The following ADGRL2 variants were observed in gnomAD, a reference collection of about 807,000 sequenced individuals.
ADGRL2 encodes adhesion G protein-coupled receptor L2.
ADGRL2 carries 44 observed loss-of-function variants against 157.4 expected under a neutral mutation model. That is an observed-to-expected ratio of 0.28 (90% confidence interval 0.22 to 0.36). The LOEUF is 0.36. ADGRL2 is among the 10% of genes least tolerant of loss of function. ADGRL2 has a pLI of 1.00. For synonymous variants in ADGRL2, 585 were observed against 624.7 expected (o/e 0.94, Z 0.95); for missense variants, 1,510 against 1,768.9 (o/e 0.85, Z 2.63).
intron 2 of ADGRL2, among the ~76,000 whole-genome samples, chr1:81,561,400 A>G (rs1317739606): frequency 7.1e-6 from 1 of 141,574 alleles, no homozygotes; most frequent in African/African-American, 2.6e-5. Context: ...TCTCGCTATA[A>G]TTTTTTTCTT....
intron 1 of ADGRL2, among the ~76,000 whole-genome samples, chr1:81,824,025 A>G (rs939780452): frequency 2.6e-5 from 4 of 152,222 alleles, no homozygotes; most frequent in Non-Finnish European, 5.9e-5. Flanking sequence ...ACTAGTCATC[A>G]GAATCACAAA....
At chr1:81,845,071 G>A (rs192938334) in intron 2 of ADGRL2, among the ~76,000 whole-genome samples, 114 of 152,016 alleles carry the variant, frequency 7.5e-4, no homozygotes, top group Non-Finnish European at 2.4e-4. Context: ...TATGGATAAA[G>A]CCAAATTATG....
Position 81,979,898 on chromosome 1 carries a change from G to A in ADGRL2, c.3051G>A (p.Leu1017=). The A allele has an allele frequency of 6.2e-7, 1 of 1,606,646 alleles. No homozygotes were observed. Among genetic ancestry groups the A allele is most frequent in the Non-Finnish European group, 8.5e-7 (1 of 1,174,450 alleles). The part of the protein sequence containing the change: ...LLNIIFLVIT[L]CKMVKHSNTL... ...ATATTATCTTCTTGGTGATCACATT[G>A]TGCAAAATGGTGAAGCATTCAAACA... The change falls in exon 18 of 24, where the codon TTG becomes TTA. Residue 1017 remains leucine, a synonymous_variant. Transcript: ENST00000686636.
At chr1:81,912,719 A>G (rs2094761189) in intron 3 of ADGRL2, among the ~76,000 whole-genome samples, 1 of 152,246 alleles carries the variant, frequency 6.6e-6, no homozygotes, top group South Asian at 2.1e-4. Context: ...AGAAGCCAGT[A>G]GCAAAGTACA....
Position 81,401,014 on chromosome 1 carries a change from G to A in ADGRL2, c.-301-44022G>A, listed in dbSNP as rs189285830. Among the ~76,000 whole-genome samples, 95 of 152,284 alleles carry A rather than the reference G, an allele frequency of 6.2e-4. 1 individual carries two copies. The highest frequency in any genetic ancestry group is 9.6e-4 in the Non-Finnish European group (65 of 68,030). On this transcript the variant is annotated intron_variant, in intron 1 of 24. Transcript: ENST00000370721. ...CCTTCTTCAACTCAGGCCCAGGAGCGTCGCTGTTCTGAACAGCTCAGGTAC... is the reference window on the plus strand; with the variant it reads ...CCTTCTTCAACTCAGGCCCAGGAGCATCGCTGTTCTGAACAGCTCAGGTAC...
intron 3 of ADGRL2, among the ~76,000 whole-genome samples, chr1:81,682,101 A>ATGTGTGTG (rs1440744581): frequency 2.0e-4 from 18 of 88,328 alleles, no homozygotes; most frequent in African/African-American, 5.7e-4. Flanking sequence ...ATATACATAT[A>ATGTGTGTG]TATGTGTGTG....
intron 1 of ADGRL2, among the ~76,000 whole-genome samples, chr1:81,318,025 G>C (rs1005381318): frequency 4.6e-5 from 7 of 151,934 alleles, no homozygotes; most frequent in Admixed American, 2.0e-4. Flanking sequence ...AATTTTTCAA[G>C]CTCTGACTTT....
chr1:81,314,166 TCTGACAGTG>T, intron 1 of ADGRL2, among the ~76,000 whole-genome samples: 1 of 152,342 alleles, frequency 6.6e-6, no homozygotes, highest in Middle Eastern at 3.4e-3. Context: ...TTGGTGCGGT[TCTGACAGTG>T]AAATGCACTC....
chr1:81,785,991 G>A (rs2087026930), intron 2 of ADGRL2, among the ~76,000 whole-genome samples: 1 of 151,918 alleles, frequency 6.6e-6, no homozygotes, highest in African/African-American at 2.4e-5. Context: ...TGTAGTCCCA[G>A]CTACTTGGAG....
At chr1:81,935,928 A>G (rs2095304475) in intron 3 of ADGRL2, among the ~76,000 whole-genome samples, 2 of 152,042 alleles carry the variant, frequency 1.3e-5, no homozygotes, top group East Asian at 1.9e-4. Flanking sequence ...TATAACAATA[A>G]TTAGAACATT....
chr1:81,712,446 A>G (rs1250948065), intron 1 of ADGRL2, among the ~76,000 whole-genome samples: 2 of 152,224 alleles, frequency 1.3e-5, no homozygotes, highest in African/African-American at 4.8e-5. Flanking sequence ...AATTCCTAAC[A>G]TATGACTTGG....
chr1:81,503,384 G>C (rs2078898064), intron 2 of ADGRL2: 3 of 1,613,892 alleles, frequency 1.9e-6, no homozygotes, highest in Non-Finnish European at 2.5e-6. Context: ...AGCGCCAGCA[G>C]CAGCAGCAGC....
chr1:81,586,750 T>C (rs1003515756), intron 3 of ADGRL2, among the ~76,000 whole-genome samples: 1 of 151,392 alleles, frequency 6.6e-6, no homozygotes, highest in African/African-American at 2.4e-5. Flanking sequence ...ATGAAGGAGG[T>C]GGGGATTTAT....
At chr1:81,821,641 A>T (rs987402132) in intron 1 of ADGRL2, among the ~76,000 whole-genome samples, 6 of 152,186 alleles carry the variant, frequency 3.9e-5, no homozygotes, top group African/African-American at 1.4e-4. Context: ...AATAAAATCT[A>T]AATTCATACA....
At chr1:81,543,826 C>T (rs1029544178) in intron 2 of ADGRL2, among the ~76,000 whole-genome samples, 12 of 152,186 alleles carry the variant, frequency 7.9e-5, no homozygotes, top group South Asian at 6.2e-4. Flanking sequence ...TCCCTCTTCT[C>T]GAGTTTTTCT....
chr1:81,437,134 A>G (rs866126262), intron 1 of ADGRL2, among the ~76,000 whole-genome samples: 2 of 152,252 alleles, frequency 1.3e-5, no homozygotes, highest in Non-Finnish European at 2.9e-5. Context: ...TTCACTATCC[A>G]GTCTATTATT....
rs564834220 is a variant in ADGRL2 at position 81,343,692 on chromosome 1, GAA to G, written c.-302+37185_-302+37186del. 1.6e-4 allele frequency among the ~76,000 whole-genome samples: 25 copies of G among 152,172 alleles called. No homozygotes were observed. The East Asian group carries it at 4.8e-3, about 29-fold the overall frequency. On this transcript the variant is annotated intron_variant, in intron 1 of 24. Coordinates refer to the ADGRL2 transcript ENST00000370721. ...TATCCTCACAAGACAGAGAGAGAGA[GAA>G]AGAGAGTGTGACAGAGAGAGAGAGA...
chr1:81,348,610 G>T (rs1378151076), intron 1 of ADGRL2, among the ~76,000 whole-genome samples: 3 of 151,992 alleles, frequency 2.0e-5, no homozygotes, highest in Non-Finnish European at 4.4e-5. Context: ...GTTAAAAAAA[G>T]AAAGAAAACA....
chr1:81,756,305 T>C lies in ADGRL2; in HGVS notation c.-142-5506T>C, dbSNP rs139825425. 2.9e-3 allele frequency among the ~76,000 whole-genome samples: 420 copies of C among 142,532 alleles called. 8 individuals are homozygous for C. The South Asian group carries it at 0.044, about 15-fold the overall frequency. 93.5% of individuals were successfully genotyped at this position (142,532 alleles called of 152,430 possible). On this transcript the variant is annotated intron_variant, in intron 1 of 20. Coordinates refer to the ADGRL2 transcript ENST00000359929. Reference sequence around the variant, plus strand: ...CTTGCACTTAGGACAACACCAATTCTATTCTTCTTTTATCATTCATTCATT... The same window carrying C: ...CTTGCACTTAGGACAACACCAATTCCATTCTTCTTTTATCATTCATTCATT...
Sources: gnomAD v4.1 joint callset for allele counts (sites outside exome capture counted in the v4.1 genomes callset) on GRCh38, gnomAD v4.1.1 for gene constraint, MANE v1.5 for transcripts, NCBI Gene and HGNC (gene_info 2026-07-23, HGNC 2026-07-21) for gene names.